The following TRIM14 variants were observed in gnomAD, a reference collection of about 807,000 sequenced individuals.
The protein encoded by TRIM14 is tripartite motif-containing protein 14.
Under a neutral mutation model 44.5 loss-of-function variants are expected in TRIM14, and 28 were observed. That is an observed-to-expected ratio of 0.63 (90% CI 0.47 to 0.86). The LOEUF is 0.86. Among genes scored for constraint, TRIM14 ranks in the 40% least tolerant of loss-of-function variants. The pLI is 0.00. For missense variants in TRIM14, 607 were observed against 611.1 expected, an observed-to-expected ratio of 0.99 and a Z score of 0.07; for synonymous variants, 299 against 269.2, an observed-to-expected ratio of 1.11 and a Z score of -1.08.
chr9:98,042,868 C>CA, the TRIM14 span, among the ~76,000 whole-genome samples: 2,599 of 112,228 alleles, frequency 0.023, 29 homozygotes, highest in South Asian at 0.069. Flanking sequence ...GACTCTACCT[C>CA]AAAAAAAAAA....
At chr9:98,110,047 C>A (rs1450142574) in intron 1 of TRIM14, 63 bp from the exon 2 acceptor site, 4 of 1,246,064 alleles carry the variant, frequency 3.2e-6, no homozygotes, top group South Asian at 1.2e-5. Flanking sequence ...ACAGGCCCCC[C>A]ACAGGGGTCA....
downstream of TRIM14, among the ~76,000 whole-genome samples, chr9:98,083,329 C>T (rs530493022): frequency 3.5e-4 from 53 of 152,202 alleles, no homozygotes; most frequent in Non-Finnish European, 7.5e-4. Flanking sequence ...GGGGTGGTTC[C>T]AAACAAAGTC....
intron 5 of TRIM14, 39 bp from the exon 6 acceptor site, chr9:98,088,044 G>A (rs1296867295): frequency 1.4e-6 from 2 of 1,416,706 alleles, no homozygotes; most frequent in Admixed American, 6.8e-5. Flanking sequence ...TGGTGGGCGG[G>A]GCCAGCGCGG....
downstream of TRIM14, among the ~76,000 whole-genome samples, chr9:98,066,979 A>G (rs1234567618): frequency 1.3e-5 from 2 of 152,124 alleles, no homozygotes; most frequent in African/African-American, 2.4e-5. Flanking sequence ...AAATTTGCCT[A>G]TTCTGGATAT....
chr9:98,053,784 G>A, the TRIM14 span, among the ~76,000 whole-genome samples: 3 of 119,978 alleles, frequency 2.5e-5, no homozygotes, highest in Non-Finnish European at 3.7e-5. Flanking sequence ...CTATAGCTGT[G>A]GGGGCCAAGC....
At chr9:98,048,731 G>C in the TRIM14 span, among the ~76,000 whole-genome samples, 1 of 152,080 alleles carries the variant, frequency 6.6e-6, no homozygotes, top group Admixed American at 6.6e-5. Context: ...TTCAACTTGA[G>C]TAAAGGAATA....
At chr9:98,116,994 G>A (rs1387862723) in intron 1 of TRIM14, among the ~76,000 whole-genome samples, 1 of 152,140 alleles carries the variant, frequency 6.6e-6, no homozygotes, top group Non-Finnish European at 1.5e-5. Context: ...GAACTAGAGA[G>A]AGAAAAATTA....
chr9:98,064,908 A>C (rs539559238), downstream of TRIM14, among the ~76,000 whole-genome samples: 4 of 152,268 alleles, frequency 2.6e-5, no homozygotes, highest in African/African-American at 9.6e-5. Context: ...TGGGCCCAAG[A>C]GCTGCCTTGG....
At chr9:98,064,100 G>A in the TRIM14 span, among the ~76,000 whole-genome samples, 1 of 152,144 alleles carries the variant, frequency 6.6e-6, no homozygotes, top group South Asian at 2.1e-4. Context: ...GAGGTAATGG[G>A]TGGTTTAAAA....
Position 98,084,662 on chromosome 9 carries a change from GTATA to G in TRIM14, c.*2804_*2807del. The G allele has an allele frequency of 6.6e-6, 1 of 152,162 alleles. No individual in the cohort carries two copies. The highest frequency in any genetic ancestry group is 1.9e-4 in the East Asian group (1 of 5,186). The allele number at this position is 152,162 out of a possible 1,614,324, so 9.4% of individuals were successfully genotyped here. On this transcript the variant is annotated 3_prime_UTR_variant, in exon 6 of 6. Transcript: ENST00000341469. ...TGATAAATCCTGGCATGATACAGCA[GTATA>G]TATGTTTTTTTTGTTTTTTTTGAGA...
the TRIM14 span, among the ~76,000 whole-genome samples, chr9:98,044,435 A>G: frequency 1.5e-4 from 21 of 136,046 alleles, no homozygotes; most frequent in South Asian, 4.5e-4. Context: ...GTGCAGTGGC[A>G]CCATCTCGGC....
downstream of TRIM14, among the ~76,000 whole-genome samples, chr9:98,067,624 G>T (rs570128384): frequency 6.6e-6 from 1 of 152,024 alleles, no homozygotes; most frequent in Non-Finnish European, 1.5e-5. Context: ...TTCATGTATA[G>T]CCTTCCAATG....
chr9:98,076,740 G>A, intron 6 of TRIM14: 1 of 584,812 alleles, frequency 1.7e-6, no homozygotes, highest in East Asian at 3.1e-5. Flanking sequence ...GGATGCAAAT[G>A]AATGTTTGCA....
intron 6 of TRIM14, chr9:98,076,141 T>A (rs1396790178): frequency 6.6e-6 from 1 of 152,130 alleles, no homozygotes; most frequent in Non-Finnish European, 1.5e-5. Flanking sequence ...CAGCCATGGA[T>A]CCTTATGTAG....
At chr9:98,100,423 T>C (rs1411779303) in intron 2 of TRIM14, among the ~76,000 whole-genome samples, 2 of 152,180 alleles carry the variant, frequency 1.3e-5, no homozygotes, top group Non-Finnish European at 2.9e-5. Flanking sequence ...TACAAAACCA[T>C]ATTCGTGACT....
At chr9:98,099,896 G>A in intron 3 of TRIM14, 35 bp downstream of exon 3, 8 of 1,582,146 alleles carry the variant, frequency 5.1e-6, no homozygotes, top group Non-Finnish European at 6.1e-6. Context: ...GTGGGTGGCA[G>A]GTGGCAGCAG....
the TRIM14 span, among the ~76,000 whole-genome samples, chr9:98,062,197 C>A: frequency 8.6e-5 from 13 of 151,400 alleles, no homozygotes; most frequent in Non-Finnish European, 1.5e-5. Flanking sequence ...TAGAGCAAGA[C>A]CCTGTCTCTT....
chr9:98,094,361 AG>A lies in TRIM14; in HGVS notation c.700+505del, dbSNP rs537064937. 1.4e-4 allele frequency among the ~76,000 whole-genome samples: 22 copies of A among 152,196 alleles called. No homozygotes were observed. The South Asian group carries it at 4.4e-3, about 30-fold the overall frequency. On this transcript the variant is annotated intron_variant, in intron 4 of 5. Coordinates refer to ENST00000341469, the MANE Select transcript of TRIM14 (RefSeq NM_014788.4). ...CTTCACGTGCTTACAAGGGGCAAGGAGGGGGGTCCATGTATCCACTTCATGA... is the reference window on the plus strand; with the variant it reads ...CTTCACGTGCTTACAAGGGGCAAGGAGGGGGTCCATGTATCCACTTCATGA...
intron 2 of TRIM14, among the ~76,000 whole-genome samples, chr9:98,105,272 T>A (rs892736573): frequency 6.6e-6 from 1 of 152,238 alleles, no homozygotes; most frequent in Admixed American, 6.5e-5. Flanking sequence ...GGCTGGGCCC[T>A]TGTGTCTCAG....
Sources: allele counts gnomAD v4.1 joint callset (sites outside exome capture counted in the v4.1 genomes callset), GRCh38; gene constraint gnomAD v4.1.1; transcripts MANE v1.5; gene names NCBI Gene and HGNC (gene_info 2026-07-23, HGNC 2026-07-21).